The following IGDCC4 variants were observed in gnomAD, a reference collection of about 807,000 sequenced individuals.
IGDCC4 encodes likely ortholog of mouse neighbor of Punc E11.
A neutral mutation model predicts 116.6 loss-of-function variants in IGDCC4; 72 were observed. The observed-to-expected ratio is 0.62, with a 90% confidence interval of 0.51 to 0.75. IGDCC4 has a LOEUF of 0.75. IGDCC4 is among the 30% of genes least tolerant of loss of function. The pLI is 0.00. For synonymous variants in IGDCC4, 709 were observed against 719.9 expected (o/e 0.98, Z 0.24); for missense variants, 1,501 against 1,662.4 (o/e 0.90, Z 1.69).
Position 65,400,802 on chromosome 15 carries a change from T to C in IGDCC4, c.841+4A>G, listed in dbSNP as rs747227130. On this transcript the variant is annotated splice_donor_region_variant and intron_variant, in intron 5 of 19. Coordinates refer to ENST00000352385, the MANE Select transcript of IGDCC4 (RefSeq NM_020962.3). ...GCCCTCCTTCTCCCACCCCCTCCAC[T>C]CACCTTGTCGGACCCAGGACACAAA... 6.9e-6 allele frequency: 11 copies of C among 1,591,900 alleles called. No individual in the cohort carries two copies. The highest frequency in any genetic ancestry group is 9.4e-6 in the Non-Finnish European group (11 of 1,167,230).
At chr15:65,386,209 A>G (rs1319772803) in intron 17 of IGDCC4, 150 bp from the exon 18 acceptor site, 1 of 626,472 alleles carries the variant, frequency 1.6e-6, no homozygotes, top group Non-Finnish European at 2.8e-6. Flanking sequence ...AAAAACTGCT[A>G]TTGTTCAAAA....
chr15:65,402,231 A>G, intron 4 of IGDCC4, 120 bp downstream of exon 4: 1 of 1,189,574 alleles, frequency 8.4e-7, no homozygotes, highest in Non-Finnish European at 1.2e-6. Flanking sequence ...TCACCAGTCA[A>G]TGGGACTAAC....
At chr15:65,416,113 G>A (rs1031600623) in intron 1 of IGDCC4, among the ~76,000 whole-genome samples, 2 of 148,382 alleles carry the variant, frequency 1.3e-5, no homozygotes, top group Admixed American at 6.7e-5. Context: ...TACGAGGCTC[G>A]CTGACTGCCT....
intron 1 of IGDCC4, among the ~76,000 whole-genome samples, chr15:65,415,001 T>C (rs984914205): frequency 6.6e-6 from 1 of 152,160 alleles, no homozygotes; most frequent in Non-Finnish European, 1.5e-5. Context: ...GGGGAGCTTA[T>C]TCTTTAAAGG....
chr15:65,384,181 G>T lies in IGDCC4; in HGVS notation c.3581C>A (p.Pro1194Gln). ...CTCTGGCAAGCAGGTAAGTCTGTCT[G>T]GCCCGGGGGCTGCCAGCTCACACCC... Reference protein sequence around the residue: ...LGGCELAAPGPDRLTCLPEAA... With the variant: ...LGGCELAAPGQDRLTCLPEAA... The change falls in exon 20 of 20, where the codon CCA becomes CAA. Residue 1194 changes from proline (P) to glutamine (Q), a missense_variant. Physicochemically the swap from Pro to Gln is moderately conservative, Grantham distance 76. Coordinates refer to ENST00000352385, the MANE Select transcript of IGDCC4 (RefSeq NM_020962.3). This position sits in a 1 kb window ranked among gnomAD's most constrained non-coding sequence, Gnocchi z 4.9. The T allele has an allele frequency of 6.2e-7, 1 of 1,612,886 alleles. No individual in the cohort carries two copies. Among genetic ancestry groups the T allele is most frequent in the South Asian group, 1.1e-5 (1 of 91,006 alleles).
rs76151763 is a variant in IGDCC4 at position 65,397,132 on chromosome 15, G to A, written c.842-143C>T. On this transcript the variant is annotated intron_variant, in intron 5 of 19. Transcript: ENST00000352385. The stretch of plus-strand genomic sequence containing the variant: ...GAATCTCATTTCCTCCTCTTGCTGG[G>A]ACTCTCTGAGCCCGGCTGTCTCCAT... The A allele has an allele frequency of 3.9e-4, 408 of 1,057,726 alleles. 5 individuals are homozygous for A. In the East Asian group the frequency reaches 4.5e-3, roughly 12 times the overall value. The allele number at this position is 1,057,726 out of a possible 1,614,324, so 65.5% of individuals were successfully genotyped here. A position where few individuals can be genotyped will look rare whatever the true frequency, so the allele number is the denominator to read the frequency against.
At chr15:65,400,748 T>C in intron 5 of IGDCC4, 58 bp downstream of exon 5, 1 of 1,543,746 alleles carries the variant, frequency 6.5e-7, no homozygotes, top group Non-Finnish European at 8.8e-7. Flanking sequence ...CTTAGGGGCA[T>C]GTGAGATGCC....
intron 1 of IGDCC4, among the ~76,000 whole-genome samples, chr15:65,414,632 TG>T (rs2140238305): frequency 6.6e-6 from 1 of 152,294 alleles, no homozygotes; most frequent in East Asian, 1.9e-4. Context: ...ACTCAAGGAA[TG>T]GGAGCTTATT....
intron 1 of IGDCC4, among the ~76,000 whole-genome samples, chr15:65,414,934 C>T (rs1342664349): frequency 6.6e-6 from 1 of 152,220 alleles, no homozygotes; most frequent in African/African-American, 2.4e-5. Context: ...AGATCCAGTG[C>T]TCTGGAAGAG....
At chr15:65,403,404 G>A (rs905850559) in intron 3 of IGDCC4, among the ~76,000 whole-genome samples, 4 of 151,876 alleles carry the variant, frequency 2.6e-5, no homozygotes, top group African/African-American at 9.7e-5. Context: ...AGGGTGGGAG[G>A]GACTGACTTT....
chr15:65,402,262 C>T, intron 4 of IGDCC4, 89 bp downstream of exon 4: 1 of 1,433,796 alleles, frequency 7.0e-7, no homozygotes, highest in Non-Finnish European at 9.3e-7. Context: ...TACTTGAAGG[C>T]AAGGCCTGGA....
rs80090619 is a variant in IGDCC4, at chr15:65,410,049, G to A, written c.563+129C>T. 80 of 1,107,544 alleles carry A rather than the reference G, an allele frequency of 7.2e-5. No individual in the cohort carries two copies. The East Asian group carries it at 1.9e-3, about 27-fold the overall frequency. 68.6% of individuals were successfully genotyped at this position (1,107,544 alleles called of 1,614,324 possible). Reference sequence around the variant, plus strand: ...GGACTAGACATGAGCCAGGAGTCAGGCGGTGGTTAACACTCAAGTCAGCTT... The same window carrying A: ...GGACTAGACATGAGCCAGGAGTCAGACGGTGGTTAACACTCAAGTCAGCTT... On this transcript the variant is annotated intron_variant, in intron 3 of 19. Transcript: ENST00000352385.
chr15:65,395,005 G>A lies in IGDCC4; in HGVS notation c.1576+89C>T. On this transcript the variant is annotated intron_variant, in intron 8 of 19. Coordinates refer to ENST00000352385, the MANE Select transcript of IGDCC4 (RefSeq NM_020962.3). The stretch of plus-strand genomic sequence containing the variant: ...AAAGATGATATGAGCAGGTAAAAAT[G>A]CCTTTACATTAGTAAAGAGAGGGTG... 2.2e-6 allele frequency: 3 copies of A among 1,360,770 alleles called. No homozygotes were observed. The South Asian group carries it at 4.4e-5, about 20-fold the overall frequency. 84.3% of individuals were successfully genotyped at this position (1,360,770 alleles called of 1,614,324 possible). A position where few individuals can be genotyped will look rare whatever the true frequency, so the allele number is the denominator to read the frequency against.
In IGDCC4 at chr15:65,385,980, T is replaced by C; in HGVS notation, c.3031A>G (p.Ser1011Gly). 2.1e-6 allele frequency: 2 copies of C among 953,742 alleles called. No homozygotes were observed. The highest frequency in any genetic ancestry group is 2.7e-6 in the Non-Finnish European group (2 of 737,224). The allele number at this position is 953,742 out of a possible 1,614,324, so 59.1% of individuals were successfully genotyped here. A position where few individuals can be genotyped will look rare whatever the true frequency, so the allele number is the denominator to read the frequency against. ...LYSRARLGPPSPPAAHELESL... is the reference protein window; with the variant it reads ...LYSRARLGPPGPPAAHELESL... ...TCCAATTCATGGGCAGCTGGGGGGC[T>C]GGGGGGGCCAAGCCGAGCTCTGGAG... Residue 1011 changes from serine (S) to glycine (G), a missense_variant, in exon 18 of 20, where the codon AGC becomes GGC. This residue lies in a region of IGDCC4 where 368 missense variants were observed against 355.6 expected (regional missense o/e 1.03). Coordinates refer to ENST00000352385, the MANE Select transcript of IGDCC4 (RefSeq NM_020962.3).
intron 16 of IGDCC4, among the ~76,000 whole-genome samples, chr15:65,388,142 G>C (rs2091476815): frequency 6.6e-6 from 1 of 151,988 alleles, no homozygotes. Flanking sequence ...TATTTGGGAG[G>C]CTGAGGCAGC....
In IGDCC4 at chr15:65,396,873, G is replaced by A. The variant is rs964623768; in HGVS notation, c.958C>T (p.Arg320Cys). 2.5e-6 allele frequency: 4 copies of A among 1,576,136 alleles called. No homozygotes were observed. The highest frequency in any genetic ancestry group is 1.7e-4 in the Middle Eastern group (1 of 6,012). ...YVCRANKPRT[R>C]DFATAAAELR... ...TCAGCGGCTGCAGTGGCGAAGTCGC[G>A]CGTGCGGGGCTTGTTGGCGCGGCAG... The change falls in exon 6 of 20, where the codon CGC becomes TGC. Residue 320 changes from arginine to cysteine, a missense_variant. Around this residue, in one of 3 missense-constraint regions of IGDCC4, gnomAD observed 898 missense variants for 978.9 expected, o/e 0.92. Coordinates refer to ENST00000352385, the MANE Select transcript of IGDCC4 (RefSeq NM_020962.3).
intron 14 of IGDCC4, 58 bp from the exon 15 acceptor site, chr15:65,389,036 G>A: frequency 8.4e-7 from 1 of 1,191,214 alleles, no homozygotes; most frequent in Non-Finnish European, 1.2e-6. Flanking sequence ...AGAGCATGAT[G>A]ATATGACCTC....
chr15:65,403,393 G>A (rs1014688190), intron 3 of IGDCC4, among the ~76,000 whole-genome samples: 1 of 152,174 alleles, frequency 6.6e-6, no homozygotes, highest in Non-Finnish European at 1.5e-5. Context: ...CCAGGGGACT[G>A]AGGGTGGGAG....
intron 3 of IGDCC4, among the ~76,000 whole-genome samples, chr15:65,407,016 C>T (rs1176813573): frequency 6.6e-6 from 1 of 152,124 alleles, no homozygotes; most frequent in Non-Finnish European, 1.5e-5. Flanking sequence ...GTGATACAAA[C>T]TTCTTCAGAC....
Sources: gnomAD v4.1 joint callset for allele counts (sites outside exome capture counted in the v4.1 genomes callset) on GRCh38, gnomAD v4.1.1 for gene constraint, gnomAD v4.1.1 regional missense constraint, Gnocchi (gnomAD v3.1) non-coding constraint, MANE v1.5 for transcripts, NCBI Gene and HGNC (gene_info 2026-07-23, HGNC 2026-07-21) for gene names.